The following SCN2A variants were observed in gnomAD, a reference collection of about 807,000 sequenced individuals.
The protein encoded by SCN2A is sodium channel protein type 2 subunit alpha.
In SCN2A, 20 loss-of-function variants were observed where a neutral mutation model predicts 188.7. That is an observed-to-expected ratio of 0.11 (90% CI 0.07 to 0.15). SCN2A has a LOEUF of 0.15. Among genes scored for constraint, SCN2A ranks in the 10% least tolerant of loss-of-function variants. The pLI is 1.00. For synonymous variants in SCN2A, 804 were observed against 833.1 expected, an observed-to-expected ratio of 0.97 and a Z score of 0.60; for missense variants, 1,278 against 2,445.0, an observed-to-expected ratio of 0.52 and a Z score of 10.07.
chr2:165,344,449 TAATAA>T (rs1040076219), intron 15 of SCN2A, 101 bp from the exon 16 acceptor site: 7 of 707,374 alleles, frequency 9.9e-6, no homozygotes, highest in Admixed American at 8.9e-5. Context: ...AGTATAATAA[TAATAA>T]AATAAAATAA....
At chr2:165,314,241 GGTTATTAAGAA>G in intron 10 of SCN2A, 133 bp downstream of exon 10, 1 of 865,236 alleles carries the variant, frequency 1.2e-6, no homozygotes, top group Non-Finnish European at 1.8e-6. Context: ...GAGCCTGTTT[GGTTATTAAGAA>G]GTTATTACTT....
intron 1 of SCN2A, chr2:165,240,234 T>C (rs1266520831): frequency 6.6e-6 from 1 of 152,140 alleles, no homozygotes; most frequent in Non-Finnish European, 1.5e-5. Flanking sequence ...CCCTCCCTCC[T>C]CCCCCAGTAT....
chr2:165,348,865 G>T (rs1699742728), intron 16 of SCN2A, among the ~76,000 whole-genome samples: 1 of 152,170 alleles, frequency 6.6e-6, no homozygotes, highest in African/African-American at 2.4e-5. Flanking sequence ...GTGTCCTTAT[G>T]ATATGGCAGC....
chr2:165,277,453 A>C (rs1222247190), intron 1 of SCN2A, among the ~76,000 whole-genome samples: 1 of 152,226 alleles, frequency 6.6e-6, no homozygotes, highest in Non-Finnish European at 1.5e-5. Context: ...TGTAGAAATA[A>C]AGCAAAGGAA....
At chr2:165,245,759 A>G (rs1166821918) in intron 1 of SCN2A, among the ~76,000 whole-genome samples, 1 of 152,222 alleles carries the variant, frequency 6.6e-6, no homozygotes, top group Non-Finnish European at 1.5e-5. Context: ...GTTCCAGGTA[A>G]ACTGGGATGC....
In SCN2A at chr2:165,303,270, G is replaced by GTTTTTTTTTTTTTT. The variant is rs71028477; in HGVS notation, c.387-4568_387-4555dup. The stretch of plus-strand genomic sequence containing the variant: ...TTGTATTTGAGTTTTTGTTATTTGA[G>GTTTTTTTTTTTTTT]TTTTTTTTTTTTTTTTTTTTTTTGA... On this transcript the variant is annotated intron_variant, in intron 3 of 26. Coordinates refer to ENST00000375437, the MANE Select transcript of SCN2A (RefSeq NM_001040142.2). Among the ~76,000 whole-genome samples, 101 of 91,306 alleles carry GTTTTTTTTTTTTTT rather than the reference G, an allele frequency of 1.1e-3. 7 individuals are homozygous for GTTTTTTTTTTTTTT. The highest frequency in any genetic ancestry group is 3.4e-3 in the East Asian group (9 of 2,672). 59.9% of individuals were successfully genotyped at this position (91,306 alleles called of 152,430 possible).
At chr2:165,344,423 G>A in intron 15 of SCN2A, 132 bp from the exon 16 acceptor site, 1 of 520,054 alleles carries the variant, frequency 1.9e-6, no homozygotes, top group Non-Finnish European at 2.8e-6. Flanking sequence ...TTGTGCACAT[G>A]TACCCTAAAA....
At chr2:165,376,351 G>A (rs553133708) in intron 22 of SCN2A, among the ~76,000 whole-genome samples, 1 of 151,338 alleles carries the variant, frequency 6.6e-6, no homozygotes, top group African/African-American at 2.4e-5. Context: ...TTTTTGAAAA[G>A]CAATTAAAAT....
intron 1 of SCN2A, among the ~76,000 whole-genome samples, chr2:165,291,495 C>CTTTCTTTCTTTCTTTCTTTCTTTCT (rs1696166701): frequency 4.5e-5 from 2 of 44,324 alleles, no homozygotes; most frequent in Admixed American, 3.0e-4. Context: ...TCTTTCTTTT[C>CTTTCTTTCTTTCTTTCTTTCTTTCT]TTTCTTTCTT....
At chr2:165,337,817 T>C (rs1352356003) in intron 14 of SCN2A, among the ~76,000 whole-genome samples, 2 of 152,202 alleles carry the variant, frequency 1.3e-5, no homozygotes, top group African/African-American at 4.8e-5. Context: ...TTAGGCCGAA[T>C]AGGAAAAATA....
In SCN2A at chr2:165,309,789, C is replaced by A. The variant is rs185993198; in HGVS notation, c.697+346C>A. On this transcript the variant is annotated intron_variant, in intron 6 of 26. Transcript: ENST00000375437. ...ACAGTTTAGGCCTAAAACTGGCAAT[C>A]TTTTAAGCTGCAGATAAATGAAAGA... Among the ~76,000 whole-genome samples, 111 of 152,224 alleles carry A rather than the reference C, an allele frequency of 7.3e-4. 2 individuals carry two copies. In the East Asian group the frequency reaches 0.02, roughly 28 times the overall value.
intron 7 of SCN2A, among the ~76,000 whole-genome samples, chr2:165,311,145 T>C (rs895702333): frequency 2.0e-5 from 3 of 147,614 alleles, no homozygotes; most frequent in African/African-American, 7.6e-5. Context: ...GTGTCATCAT[T>C]GTATTGTAGT....
chr2:165,360,287 T>G (rs1700395951), intron 17 of SCN2A, among the ~76,000 whole-genome samples: 1 of 151,972 alleles, frequency 6.6e-6, no homozygotes, highest in Non-Finnish European at 1.5e-5. Flanking sequence ...TTTACTTTCA[T>G]TTGCTCACAT....
At chr2:165,383,789 CT>C (rs1330296851) in intron 25 of SCN2A, among the ~76,000 whole-genome samples, 1 of 152,070 alleles carries the variant, frequency 6.6e-6, no homozygotes, top group African/African-American at 2.4e-5. Context: ...TGTCTTTCTG[CT>C]TTGCACAACT....
intron 16 of SCN2A, among the ~76,000 whole-genome samples, chr2:165,347,453 G>A (rs1699659246): frequency 6.6e-6 from 1 of 152,014 alleles, no homozygotes; most frequent in South Asian, 2.1e-4. Flanking sequence ...GGGGTGGGGG[G>A]CTAGGGGAGG....
At chr2:165,290,845 T>C (rs1167553704) in intron 1 of SCN2A, 1 of 874,254 alleles carries the variant, frequency 1.1e-6, no homozygotes, top group Non-Finnish European at 1.4e-6. Flanking sequence ...ATATACCATA[T>C]GTATATATCC....
chr2:165,320,669 G>A (rs1698027966), intron 11 of SCN2A, among the ~76,000 whole-genome samples: 1 of 152,206 alleles, frequency 6.6e-6, no homozygotes, highest in African/African-American at 2.4e-5. Flanking sequence ...GCCAAGGCTT[G>A]AGGCTTGCAC....
chr2:165,386,151 T>G (rs184515972), intron 25 of SCN2A, among the ~76,000 whole-genome samples: 1 of 152,134 alleles, frequency 6.6e-6, no homozygotes, highest in African/African-American at 2.4e-5. Context: ...CTCACATAAA[T>G]GCTATGAGGT....
intron 18 of SCN2A, among the ~76,000 whole-genome samples, chr2:165,365,581 A>G (rs1700686297): frequency 6.6e-6 from 1 of 152,160 alleles, no homozygotes; most frequent in Admixed American, 6.5e-5. Context: ...GCCTTCTAAA[A>G]TATCTTACAG....
Sources: allele counts gnomAD v4.1 joint callset (sites outside exome capture counted in the v4.1 genomes callset), GRCh38; gene constraint gnomAD v4.1.1; transcripts MANE v1.5; gene names NCBI Gene and HGNC (gene_info 2026-07-23, HGNC 2026-07-21).